The following PRKD1 variants were observed in gnomAD, a reference collection of about 807,000 sequenced individuals.
The protein encoded by PRKD1 is protein kinase D1, also known as serine/threonine-protein kinase D1.
A neutral mutation model predicts 95.9 loss-of-function variants in PRKD1; 63 were observed. That is an observed-to-expected ratio of 0.66 (90% CI 0.54 to 0.81). The LOEUF is 0.81. Ranked by LOEUF, PRKD1 falls within the 30% of genes least tolerant of loss-of-function variation. PRKD1 has a pLI of 0.00. For missense variants in PRKD1, 1,048 were observed against 1,165.3 expected, an observed-to-expected ratio of 0.90 and a Z score of 1.47; for synonymous variants, 425 against 423.1, an observed-to-expected ratio of 1.00 and a Z score of -0.05.
chr14:29,596,440 A>G (rs1893307128), intron 16 of PRKD1, among the ~76,000 whole-genome samples: 1 of 151,580 alleles, frequency 6.6e-6, no homozygotes, highest in Non-Finnish European at 1.5e-5. Context: ...CTAGCTTTGT[A>G]TTTTGACCAG....
rs143478479 is a variant in PRKD1 at position 29,915,767 on chromosome 14, T to C, written c.264+11482A>G. Among the ~76,000 whole-genome samples the C allele has an allele frequency of 3.2e-3, 480 of 152,298 alleles. 1 individual carries two copies. The highest frequency in any genetic ancestry group is 0.011 in the African/African-American group (469 of 41,560). On this transcript the variant is annotated intron_variant, in intron 1 of 17. Coordinates refer to ENST00000331968, the MANE Select transcript of PRKD1 (RefSeq NM_002742.3). Reference sequence around the variant, plus strand: ...TTTAAGTAAATTTCAGCCAACACAATAGGAAGATTTAAATTTCCTCCCATA... The same window carrying C: ...TTTAAGTAAATTTCAGCCAACACAACAGGAAGATTTAAATTTCCTCCCATA...
chr14:29,624,645 T>C (rs1200045168), intron 12 of PRKD1, among the ~76,000 whole-genome samples: 1 of 152,130 alleles, frequency 6.6e-6, no homozygotes, highest in Admixed American at 6.5e-5. Context: ...ATGTATGTTA[T>C]AGGGGAAAGA....
chr14:29,875,558 C>A (rs1041771573), intron 1 of PRKD1, among the ~76,000 whole-genome samples: 4 of 152,010 alleles, frequency 2.6e-5, no homozygotes, highest in African/African-American at 9.7e-5. Flanking sequence ...ATTTTGACAG[C>A]CTTGACAAAA....
At chr14:29,782,429 T>C (rs796073350) in intron 1 of PRKD1, among the ~76,000 whole-genome samples, 5 of 152,342 alleles carry the variant, frequency 3.3e-5, no homozygotes, top group African/African-American at 1.2e-4. Context: ...TTAGATAAGA[T>C]AAATTATAAC....
At position 29,828,133 on chromosome 14, in the gene PRKD1, G is replaced by A. The variant is rs1213192975; in HGVS notation, c.264+99116C>T. Among the ~76,000 whole-genome samples the A allele has an allele frequency of 4.6e-5, 7 of 152,092 alleles. No homozygotes were observed. The East Asian group carries it at 1.4e-3, about 29-fold the overall frequency. On this transcript the variant is annotated intron_variant, in intron 1 of 17. Coordinates refer to ENST00000331968, the MANE Select transcript of PRKD1 (RefSeq NM_002742.3). ...TTTACATATTAGTGTTTGTCCATTT[G>A]CATCGCTATAAAGGAATACCTGAGC... is the stretch of plus-strand genomic sequence containing the variant.
At position 29,760,574 on chromosome 14, in the gene PRKD1, C is replaced by T. The variant is rs190114342; in HGVS notation, c.265-34900G>A. ...TTCACCATGTTGGCCAGCCTGGTCT[C>T]GAACTCTTGACCTCTTGATCCGCCT... On this transcript the variant is annotated intron_variant, in intron 1 of 17. Coordinates refer to ENST00000331968, the MANE Select transcript of PRKD1 (RefSeq NM_002742.3). Among the ~76,000 whole-genome samples, 5 of 152,080 alleles carry T rather than the reference C, an allele frequency of 3.3e-5. No homozygotes were observed. The South Asian group carries it at 6.2e-4, about 19-fold the overall frequency.
intron 1 of PRKD1, among the ~76,000 whole-genome samples, chr14:29,754,908 A>G (rs911243613): frequency 2.0e-5 from 3 of 152,110 alleles, no homozygotes; most frequent in Admixed American, 2.0e-4. Context: ...ATACTAACTT[A>G]TATCATCCCA....
At chr14:29,586,358 C>A (rs528874139) in intron 16 of PRKD1, among the ~76,000 whole-genome samples, 146 of 152,284 alleles carry the variant, frequency 9.6e-4, no homozygotes, top group African/African-American at 3.3e-3. Context: ...TAACTACAGA[C>A]TGGAGCAATG....
Position 29,576,947 on chromosome 14 carries a change from G to C in PRKD1, c.*291C>G. ...GCTCCAGTAAGAAAAACACTGATTT[G>C]CAAAGGCACAGTGGAGACAGGTTTA... On this transcript the variant is annotated 3_prime_UTR_variant, in exon 18 of 18. Transcript: ENST00000331968. The C allele has an allele frequency of 2.5e-6, 1 of 401,746 alleles. No individual in the cohort carries two copies. Among genetic ancestry groups the C allele is most frequent in the Non-Finnish European group, 4.6e-6 (1 of 216,032 alleles). The allele number at this position is 401,746 out of a possible 1,614,324, so 24.9% of individuals were successfully genotyped here.
chr14:29,756,839 G>A (rs982994570), intron 1 of PRKD1, among the ~76,000 whole-genome samples: 7 of 152,234 alleles, frequency 4.6e-5, no homozygotes, highest in African/African-American at 1.2e-4. Context: ...CTCCTCATAT[G>A]AAATTGCTCT....
Position 29,651,896 on chromosome 14 carries a change from C to T in PRKD1, c.696+11803G>A, listed in dbSNP as rs550972552. Among the ~76,000 whole-genome samples the T allele has an allele frequency of 2.6e-5, 4 of 152,202 alleles. No homozygotes were observed. The East Asian group carries it at 7.7e-4, about 29-fold the overall frequency. ...ACTAGCTGGGATTACAGGCATGCAC[C>T]ACCATGCCCAGCTAATTTTTTGTGT... On this transcript the variant is annotated intron_variant, in intron 4 of 17. Coordinates refer to ENST00000331968, the MANE Select transcript of PRKD1 (RefSeq NM_002742.3).
chr14:29,696,488 A>G (rs1370892084), intron 2 of PRKD1, among the ~76,000 whole-genome samples: 1 of 152,168 alleles, frequency 6.6e-6, no homozygotes. Context: ...TAAAATGCCT[A>G]TAAAGGCTGC....
At chr14:29,687,752 T>G (rs1016036134) in intron 2 of PRKD1, among the ~76,000 whole-genome samples, 2 of 152,218 alleles carry the variant, frequency 1.3e-5, no homozygotes, top group Admixed American at 1.3e-4. Context: ...AGTCTAATGT[T>G]AAAACCAACC....
intron 1 of PRKD1, among the ~76,000 whole-genome samples, chr14:29,925,589 C>T (rs79057891): frequency 0.016 from 2,502 of 152,172 alleles, 70 homozygotes; most frequent in African/African-American, 0.058. Flanking sequence ...AATCCCACTA[C>T]CAAACCTCTT....
chr14:29,825,434 G>A (rs1217062786), intron 1 of PRKD1, among the ~76,000 whole-genome samples: 1 of 152,034 alleles, frequency 6.6e-6, no homozygotes, highest in Non-Finnish European at 1.5e-5. Context: ...ATTTGTGTGT[G>A]TATGCTTGGA....
At chr14:29,828,944 T>G (rs976523929) in intron 1 of PRKD1, among the ~76,000 whole-genome samples, 15 of 152,176 alleles carry the variant, frequency 9.9e-5, no homozygotes, top group Admixed American at 6.5e-5. Flanking sequence ...TAAGTGACAA[T>G]AGAACTTTCT....
chr14:29,655,924 A>AT (rs1555332531), intron 4 of PRKD1, among the ~76,000 whole-genome samples: 1 of 149,510 alleles, frequency 6.7e-6, no homozygotes, highest in Non-Finnish European at 1.5e-5. Flanking sequence ...TATAATAAAA[A>AT]ATATATATAT....
In PRKD1 at chr14:29,746,208, A is replaced by C. The variant is rs1254031374; in HGVS notation, c.265-20534T>G. Among the ~76,000 whole-genome samples the C allele has an allele frequency of 2.6e-5, 4 of 152,218 alleles. No homozygotes were observed. The East Asian group carries it at 5.8e-4, about 22-fold the overall frequency. ...GGAATTTCCTTCCTTGCCTTATCAG[A>C]GTATCTTGACCTTACCCCTCTAGAA... On this transcript the variant is annotated intron_variant, in intron 1 of 17. Transcript: ENST00000331968.
intron 1 of PRKD1, among the ~76,000 whole-genome samples, chr14:29,867,911 A>C (rs2139371707): frequency 6.6e-6 from 1 of 152,360 alleles, no homozygotes. Flanking sequence ...TGAAGGAAAC[A>C]GGGTGGGATT....
Sources: allele counts gnomAD v4.1 joint callset (sites outside exome capture counted in the v4.1 genomes callset), GRCh38; gene constraint gnomAD v4.1.1; transcripts MANE v1.5; gene names NCBI Gene and HGNC (gene_info 2026-07-23, HGNC 2026-07-21).